MAP1B: variants seen among roughly 807,000 people sequenced by gnomAD.
MAP1B encodes the protein microtubule associated protein 1B.
Under a neutral mutation model 176.1 loss-of-function variants are expected in MAP1B, and 12 were observed. The ratio of observed to expected loss-of-function variants is 0.07; its 90% CI spans 0.04 to 0.11. The LOEUF (loss-of-function observed/expected upper bound fraction) is 0.11, where lower values mean the gene tolerates loss of function less well. MAP1B is among the 10% of genes least tolerant of loss of function. The pLI is 1.00. For synonymous variants in MAP1B, 1,044 were observed against 1,135.0 expected (o/e 0.92, Z 1.61); for missense variants, 2,523 against 2,990.5 (o/e 0.84, Z 3.65).
At position 72,205,322 on chromosome 5, in the gene MAP1B, A is replaced by G; in HGVS notation, c.*83A>G. On this transcript the variant is annotated 3_prime_UTR_variant, in exon 7 of 7. Transcript: ENST00000296755. ...TGAAATCACCTTTTCTAAAAAGTCA[A>G]TTCATCTAGTTAAGTCGCTGAACAA... The G allele has an allele frequency of 5.0e-6, 7 of 1,407,190 alleles. No individual in the cohort carries two copies. The highest frequency in any genetic ancestry group is 6.9e-6 in the Non-Finnish European group (7 of 1,017,602). 87.2% of individuals were successfully genotyped at this position (1,407,190 alleles called of 1,614,324 possible).
chr5:72,195,458 G>C lies in MAP1B; in HGVS notation c.2103G>C (p.Lys701Asn). The change falls in exon 5 of 7, where the codon AAG becomes AAC. Residue 701 changes from lysine to asparagine, a missense_variant. Lys to Asn is a moderately conservative substitution (Grantham distance 94). Coordinates refer to ENST00000296755, the MANE Select transcript of MAP1B (RefSeq NM_005909.5). Reference protein sequence around the residue: ...EEKKEPKKEVKKETPPKEVKK... With the variant: ...EEKKEPKKEVNKETPPKEVKK... Reference sequence around the variant, plus strand: ...AAAAAGAACCCAAGAAAGAGGTTAAGAAAGAAACACCGCCAAAGGAAGTCA... The same window carrying C: ...AAAAAGAACCCAAGAAAGAGGTTAACAAAGAAACACCGCCAAAGGAAGTCA... 1.3e-6 allele frequency: 2 copies of C among 1,585,384 alleles called. No homozygotes were observed. The highest frequency in any genetic ancestry group is 8.6e-7 in the Non-Finnish European group (1 of 1,169,134).
chr5:72,143,276 A>G (rs1745982100), intron 2 of MAP1B, among the ~76,000 whole-genome samples: 1 of 152,236 alleles, frequency 6.6e-6, no homozygotes, highest in African/African-American at 2.4e-5. Flanking sequence ...AAAAGATAAT[A>G]TTTAGTGCAA....
Position 72,201,931 on chromosome 5 carries a change from AC to A in MAP1B, c.7012+1566del, listed in dbSNP as rs1270277486. ...TTTCATCTGAAAGAGTTGACAACTGACCTGCACTTAGGAGAAAACATGAAAT... is the reference window on the plus strand; with the variant it reads ...TTTCATCTGAAAGAGTTGACAACTGACTGCACTTAGGAGAAAACATGAAAT... On this transcript the variant is annotated intron_variant, in intron 5 of 6. Transcript: ENST00000296755. Among the ~76,000 whole-genome samples, 3 of 152,244 alleles carry A rather than the reference AC, an allele frequency of 2.0e-5. No homozygotes were observed. The East Asian group carries it at 5.8e-4, about 29-fold the overall frequency.
chr5:72,121,448 G>C (rs932969543), intron 2 of MAP1B, among the ~76,000 whole-genome samples: 3 of 152,152 alleles, frequency 2.0e-5, no homozygotes, highest in Non-Finnish European at 2.9e-5. Flanking sequence ...GGTGTATATG[G>C]GCAGTTTTGT....
At position 72,204,801 on chromosome 5, in the gene MAP1B, T is replaced by C. The variant is rs115079079; in HGVS notation, c.7252-283T>C. Among the ~76,000 whole-genome samples the C allele has an allele frequency of 8.2e-3, 1,245 of 152,332 alleles. 15 individuals are homozygous for C. Among genetic ancestry groups the C allele is most frequent in the African/African-American group, 0.029 (1,203 of 41,584 alleles). ...AAAGGAAATACAAAAAATTGTACCC[T>C]AACGGAAGCACTTCTCTTAACAGTA... On this transcript the variant is annotated intron_variant, in intron 6 of 6. Coordinates refer to ENST00000296755, the MANE Select transcript of MAP1B (RefSeq NM_005909.5). The surrounding 1 kb of genome is among the most constrained non-coding windows in gnomAD (Gnocchi z 4.4).
At chr5:72,139,112 A>C (rs1579991073) in intron 2 of MAP1B, among the ~76,000 whole-genome samples, 1 of 152,218 alleles carries the variant, frequency 6.6e-6, no homozygotes, top group Non-Finnish European at 1.5e-5. Context: ...GCTCTTATGA[A>C]TACTAACCTC....
intron 2 of MAP1B, among the ~76,000 whole-genome samples, chr5:72,181,254 T>G (rs1051294271): frequency 2.6e-5 from 4 of 152,080 alleles, no homozygotes; most frequent in Non-Finnish European, 5.9e-5. Context: ...GTGATGGTGG[T>G]TGGTGGTGAG....
intron 3 of MAP1B, among the ~76,000 whole-genome samples, chr5:72,185,813 C>G (rs1397156080): frequency 6.6e-6 from 1 of 152,076 alleles, no homozygotes; most frequent in African/African-American, 2.4e-5. Flanking sequence ...GGTCTGTTTA[C>G]TTTTGTATCC....
chr5:72,168,215 G>C (rs1332489179), intron 2 of MAP1B, among the ~76,000 whole-genome samples: 1 of 152,186 alleles, frequency 6.6e-6, no homozygotes, highest in Non-Finnish European at 1.5e-5. Context: ...TCACCTTCCA[G>C]CTTCTCCAGC....
intron 2 of MAP1B, among the ~76,000 whole-genome samples, chr5:72,178,561 G>C (rs940795485): frequency 3.3e-5 from 5 of 152,316 alleles, no homozygotes; most frequent in Admixed American, 1.3e-4. Context: ...CTTTTCTCCT[G>C]GCTAAAGCCC....
chr5:72,138,560 A>G (rs1227581314), intron 2 of MAP1B, among the ~76,000 whole-genome samples: 1 of 152,210 alleles, frequency 6.6e-6, no homozygotes, highest in Non-Finnish European at 1.5e-5. Flanking sequence ...AAAAAATGTT[A>G]TGTAAAAAAA....
rs1221842321 is a variant in MAP1B, at chr5:72,197,060, C to T, written c.3705C>T (p.Thr1235=). 1 of 1,614,080 alleles carries T rather than the reference C, an allele frequency of 6.2e-7. No individual in the cohort carries two copies. The highest frequency in any genetic ancestry group is 1.3e-5 in the African/African-American group (1 of 74,926). The change falls in exon 5 of 7, where the codon ACC becomes ACT. Residue 1235 remains threonine, a synonymous_variant. Coordinates refer to ENST00000296755, the MANE Select transcript of MAP1B (RefSeq NM_005909.5). Reference sequence around the variant, plus strand: ...ACTGCTCTGAAGTGAAAGCCAGCACCACTTTGGACATCAAAGATAGCATCT... The same window carrying T: ...ACTGCTCTGAAGTGAAAGCCAGCACTACTTTGGACATCAAAGATAGCATCT... ...DAYCSEVKAS[T]TLDIKDSISA...
intron 2 of MAP1B, among the ~76,000 whole-genome samples, chr5:72,132,040 G>A (rs989330183): frequency 6.6e-6 from 1 of 152,138 alleles, no homozygotes; most frequent in African/African-American, 2.4e-5. Context: ...ATTACTTGGA[G>A]GATATTACTG....
chr5:72,110,820 T>C (rs769251045), intron 1 of MAP1B, among the ~76,000 whole-genome samples: 10 of 152,176 alleles, frequency 6.6e-5, no homozygotes, highest in Non-Finnish European at 1.3e-4. Context: ...TAGAAAATAA[T>C]CTATAAATCT....
chr5:72,194,097 C>T lies in MAP1B; in HGVS notation c.742C>T (p.Pro248Ser). 1 of 1,614,186 alleles carries T rather than the reference C, an allele frequency of 6.2e-7. No individual in the cohort carries two copies. Among genetic ancestry groups the T allele is most frequent in the Non-Finnish European group, 8.5e-7 (1 of 1,180,040 alleles). Residue 248 changes from proline (P) to serine (S), a missense_variant, in exon 5 of 7, where the codon CCT (proline) becomes TCT (serine). Pro to Ser is a moderately conservative substitution (Grantham distance 74). This residue lies in a region of MAP1B where 307 missense variants were observed against 438.4 expected (regional missense o/e 0.70). Coordinates refer to ENST00000296755, the MANE Select transcript of MAP1B (RefSeq NM_005909.5). The surrounding 1 kb of genome is among the most constrained non-coding windows in gnomAD (Gnocchi z 7.2). Reference sequence around the variant, plus strand: ...CCCATCTCCCTTTGACATCTTGGAACCTCCCACATCGGGTGGATTTCTGAA... The same window carrying T: ...CCCATCTCCCTTTGACATCTTGGAATCTCCCACATCGGGTGGATTTCTGAA... Reference protein sequence around the residue: ...EVPSPFDILEPPTSGGFLKLS... With the variant: ...EVPSPFDILESPTSGGFLKLS...
At chr5:72,166,703 C>A (rs1158500143) in intron 2 of MAP1B, among the ~76,000 whole-genome samples, 1 of 152,178 alleles carries the variant, frequency 6.6e-6, no homozygotes, top group Non-Finnish European at 1.5e-5. Flanking sequence ...TATGACTATT[C>A]GCCGAGGATG....
Position 72,196,171 on chromosome 5 carries a change from C to T in MAP1B, c.2816C>T (p.Thr939Ile). 2 of 1,613,290 alleles carry T rather than the reference C, an allele frequency of 1.2e-6. No homozygotes were observed. Among genetic ancestry groups the T allele is most frequent in the East Asian group, 2.2e-5 (1 of 44,866 alleles). The change falls in exon 5 of 7, where the codon ACT becomes ATT. Residue 939 changes from threonine to isoleucine, a missense_variant. Thr to Ile is a moderately conservative substitution (Grantham distance 89). Around this residue, in one of 4 missense-constraint regions of MAP1B, gnomAD observed 1,925 missense variants for 2,126.0 expected, o/e 0.91. Transcript: ENST00000296755. This position sits in a 1 kb window ranked among gnomAD's most constrained non-coding sequence, Gnocchi z 5.3. ...EGAGFEESSE[T>I]GDYEEKAETE... ...GCCGGTTTTGAAGAATCTTCAGAGA[C>T]TGGAGACTATGAAGAGAAGGCAGAA...
At chr5:72,187,913 C>T (rs1343533088) in intron 4 of MAP1B, among the ~76,000 whole-genome samples, 2 of 152,204 alleles carry the variant, frequency 1.3e-5, no homozygotes, top group African/African-American at 2.4e-5. Context: ...GAAGGTGTGG[C>T]GTCATCTGCA....
chr5:72,120,366 C>A (rs1257651189), intron 2 of MAP1B, among the ~76,000 whole-genome samples: 1 of 151,990 alleles, frequency 6.6e-6, no homozygotes, highest in East Asian at 1.9e-4. Context: ...AGTTAACTAA[C>A]CGTTTTCAGT....
Sources: gnomAD v4.1 joint callset for allele counts (sites outside exome capture counted in the v4.1 genomes callset) on GRCh38, gnomAD v4.1.1 for gene constraint, gnomAD v4.1.1 regional missense constraint, Gnocchi (gnomAD v3.1) non-coding constraint, MANE v1.5 for transcripts, NCBI Gene and HGNC (gene_info 2026-07-23, HGNC 2026-07-21) for gene names.